MRGPRX2: variants seen among roughly 807,000 people sequenced by gnomAD.
MRGPRX2 encodes the protein MAS related GPR family member X2.
For missense variants in MRGPRX2, 389 were observed against 404.5 expected (o/e 0.96, Z 0.33); for synonymous variants, 183 against 175.6 (o/e 1.04, Z -0.33).
chr11:19,056,746 G>A (rs572639219), intron 1 of MRGPRX2, among the ~76,000 whole-genome samples: 1 of 152,300 alleles, frequency 6.6e-6, no homozygotes, highest in Non-Finnish European at 1.5e-5. Flanking sequence ...GGCAGAATAT[G>A]TGGGGCAGCA....
chr11:19,055,223 G>T lies in MRGPRX2; in HGVS notation c.*187C>A. 1.6e-6 allele frequency: 1 copy of T among 607,038 alleles called. No individual in the cohort carries two copies. The highest frequency in any genetic ancestry group is 2.8e-6 in the Non-Finnish European group (1 of 355,588). The allele number at this position is 607,038 out of a possible 1,614,324, so 37.6% of individuals were successfully genotyped here. On this transcript the variant is annotated 3_prime_UTR_variant, in exon 2 of 2. Coordinates refer to ENST00000329773, the MANE Select transcript of MRGPRX2 (RefSeq NM_054030.4). Reference sequence around the variant, plus strand: ...TCATAGGGCTGTGGTGGAAGCCTGTGAGTAAGGCAGTTCCAGAGACACTGC... The same window carrying T: ...TCATAGGGCTGTGGTGGAAGCCTGTTAGTAAGGCAGTTCCAGAGACACTGC...
rs149679653 is a variant in MRGPRX2, at chr11:19,058,395, C to T, written c.-25-1968G>A. 8.3e-3 allele frequency among the ~76,000 whole-genome samples: 1,263 copies of T among 151,486 alleles called. 12 individuals carry two copies. The highest frequency in any genetic ancestry group is 0.013 in the Non-Finnish European group (899 of 67,898). On this transcript the variant is annotated intron_variant, in intron 1 of 1. Coordinates refer to ENST00000329773, the MANE Select transcript of MRGPRX2 (RefSeq NM_054030.4). Reference sequence around the variant, plus strand: ...CTCAGGGCAGGTTGGCCTTTTTATTCGTGGCACTGAACACAGTTTGCACCT... The same window carrying T: ...CTCAGGGCAGGTTGGCCTTTTTATTTGTGGCACTGAACACAGTTTGCACCT...
chr11:19,058,037 T>A (rs7102329), intron 1 of MRGPRX2, among the ~76,000 whole-genome samples: 1 of 151,994 alleles, frequency 6.6e-6, no homozygotes, highest in Non-Finnish European at 1.5e-5. Flanking sequence ...AATGTCGAAA[T>A]TGCAGTTTTT....
chr11:19,055,795 A>G lies in MRGPRX2; in HGVS notation c.608T>C (p.Leu203Pro), dbSNP rs1323711433. 7 of 1,614,206 alleles carry G rather than the reference A, an allele frequency of 4.3e-6. No homozygotes were observed. The highest frequency in any genetic ancestry group is 5.9e-6 in the Non-Finnish European group (7 of 1,180,034). Residue 203 changes from leucine to proline, a missense_variant, in exon 2 of 2, where the codon CTG becomes CCG. Transcript: ENST00000329773. ...ACAGAGGATCCTGACCAGCAGGGCC[A>G]GACTGGACCCACAGAGAACCATGAA... Reference protein sequence around the residue: ...FLFMVLCGSSLALLVRILCGS... With the variant: ...FLFMVLCGSSPALLVRILCGS...
chr11:19,055,272 C>T lies in MRGPRX2; in HGVS notation c.*138G>A. On this transcript the variant is annotated 3_prime_UTR_variant, in exon 2 of 2. Coordinates refer to ENST00000329773, the MANE Select transcript of MRGPRX2 (RefSeq NM_054030.4). ...GCACTTAGTGTTTGTTTCATAGGCA[C>T]TGTCTCACTTAATCCTCACAAGGAC... 1 of 865,544 alleles carries T rather than the reference C, an allele frequency of 1.2e-6. No homozygotes were observed. The highest frequency in any genetic ancestry group is 2.5e-5 in the East Asian group (1 of 39,930). 53.6% of individuals were successfully genotyped at this position (865,544 alleles called of 1,614,324 possible).
chr11:19,059,041 C>T (rs1849644250), intron 1 of MRGPRX2, among the ~76,000 whole-genome samples: 1 of 152,180 alleles, frequency 6.6e-6, no homozygotes, highest in African/African-American at 2.4e-5. Context: ...TCCAGGTGAG[C>T]ACAGATGCTA....
At position 19,055,451 on chromosome 11, in the gene MRGPRX2, G is replaced by A. The variant is rs1439079016; in HGVS notation, c.952C>T (p.Arg318Cys). ...CTCGACATCTCCGGGGTGCCCTGAC[G>A]GAAGCATCCTTCACTGTGATCCACC... ...AEVDHSEGCFRQGTPEMSRSS... is the reference protein window; with the variant it reads ...AEVDHSEGCFCQGTPEMSRSS... Residue 318 changes from arginine to cysteine, a missense_variant, in exon 2 of 2, where the codon CGT (arginine) becomes TGT (cysteine). Transcript: ENST00000329773. 4.3e-6 allele frequency: 7 copies of A among 1,610,690 alleles called. No homozygotes were observed. The highest frequency in any genetic ancestry group is 2.2e-5 in the East Asian group (1 of 44,768).
Position 19,056,145 on chromosome 11 carries a change from G to T in MRGPRX2, c.258C>A (p.Cys86Ter), listed in dbSNP as rs774094716. ...AGAAGAAGTTACTGAGGTACACCAG[G>T]CAATTTATAATCTGGAAGCAGAGGA... ...FLFLCFQIIN[C>*]LVYLSNFFCS... The change falls in exon 2 of 2, where the codon TGC becomes TGA. Residue 86 changes from cysteine (C) to a stop codon, truncating the protein, a stop_gained. Coordinates refer to ENST00000329773, the MANE Select transcript of MRGPRX2 (RefSeq NM_054030.4). LOFTEE classifies it low-confidence loss of function (END_TRUNC). 4.3e-6 allele frequency: 7 copies of T among 1,614,092 alleles called. No homozygotes were observed. In the Admixed American group the frequency reaches 1.2e-4, roughly 27 times the overall value.
At position 19,055,830 on chromosome 11, in the gene MRGPRX2, C is replaced by A; in HGVS notation, c.573G>T (p.Leu191=). The part of the protein sequence containing the change: ...QTFDFITAAW[L]IFLFMVLCGS... ...CACAGAGAACCATGAATAAAAAAAT[C>A]AGCCACGCTGCAGTGATGAAATCAA... Residue 191 remains leucine, a synonymous_variant, in exon 2 of 2, where the codon CTG becomes CTT. Coordinates refer to ENST00000329773, the MANE Select transcript of MRGPRX2 (RefSeq NM_054030.4). The A allele has an allele frequency of 6.2e-7, 1 of 1,614,112 alleles. No individual in the cohort carries two copies. The highest frequency in any genetic ancestry group is 1.1e-5 in the South Asian group (1 of 91,076).
At chr11:19,059,208 G>A (rs1849645651) in intron 1 of MRGPRX2, among the ~76,000 whole-genome samples, 1 of 152,172 alleles carries the variant, frequency 6.6e-6, no homozygotes, top group African/African-American at 2.4e-5. Context: ...GTCAAGGGGA[G>A]GTGAGAGAAA....
chr11:19,060,507 C>A (rs982405647), intron 1 of MRGPRX2, 112 bp downstream of exon 1: 28 of 152,322 alleles, frequency 1.8e-4, no homozygotes, highest in African/African-American at 6.5e-4. Flanking sequence ...GCATCCAAAG[C>A]TTCCTCAAAG....
chr11:19,058,750 G>T (rs1565000502), intron 1 of MRGPRX2, among the ~76,000 whole-genome samples: 1 of 152,230 alleles, frequency 6.6e-6, no homozygotes, highest in Middle Eastern at 3.4e-3. Flanking sequence ...TTAAGTGTAT[G>T]TCTGTTTTTT....
rs564668393 is a variant in MRGPRX2, at chr11:19,055,553, A to G, written c.850T>C (p.Ser284Pro). ...TGCAGCCGCCACTGCTTCCTAAAAG[A>G]GCCCACGAAGAAGTAAATGATGGGG... is the stretch of plus-strand genomic sequence containing the variant. ...ANPIIYFFVG[S>P]FRKQWRLQQP... The change falls in exon 2 of 2, where the codon TCT (serine) becomes CCT (proline). Residue 284 changes from serine (S) to proline (P), a missense_variant. Physicochemically the swap from Ser to Pro is moderately conservative, Grantham distance 74. Transcript: ENST00000329773. 1.7e-3 allele frequency: 2,709 copies of G among 1,614,224 alleles called. 62 individuals are homozygous for G. In the South Asian group the frequency reaches 0.028, roughly 17 times the overall value.
intron 1 of MRGPRX2, among the ~76,000 whole-genome samples, chr11:19,058,407 C>A (rs1252776605): frequency 6.6e-6 from 1 of 151,442 alleles, no homozygotes; most frequent in African/African-American, 2.4e-5. Flanking sequence ...TGGCACTGAA[C>A]ACAGTTTGCA....
At position 19,056,130 on chromosome 11, in the gene MRGPRX2, A is replaced by G. The variant is rs1467152187; in HGVS notation, c.273T>C (p.Ser91=). The change falls in exon 2 of 2, where the codon AGT becomes AGC. Residue 91 remains serine, a synonymous_variant. Transcript: ENST00000329773. ...FQIINCLVYL[S]NFFCSISINF... is the part of the protein sequence containing the mutation. ...TGATGGAGATGGAACAGAAGAAGTTACTGAGGTACACCAGGCAATTTATAA... is the reference window on the plus strand; with the variant it reads ...TGATGGAGATGGAACAGAAGAAGTTGCTGAGGTACACCAGGCAATTTATAA... 6.2e-6 allele frequency: 10 copies of G among 1,614,122 alleles called. No homozygotes were observed. The highest frequency in any genetic ancestry group is 8.5e-6 in the Non-Finnish European group (10 of 1,180,042).
At position 19,055,591 on chromosome 11, in the gene MRGPRX2, T is replaced by C. The variant is rs892003414; in HGVS notation, c.812A>G (p.Asn271Ser). Residue 271 changes from asparagine to serine, a missense_variant, in exon 2 of 2, where the codon AAC (asparagine) becomes AGC (serine). Transcript: ENST00000329773. ...HPVSVVLSSL[N>S]SSANPIIYFF... ...GTAAATGATGGGGTTGGCACTGCTG[T>C]TAAGAGATGACAGGACAACTGAAAC... The C allele has an allele frequency of 1.9e-6, 3 of 1,614,036 alleles. No individual in the cohort carries two copies. The highest frequency in any genetic ancestry group is 1.3e-5 in the African/African-American group (1 of 74,906).
At position 19,055,353 on chromosome 11, in the gene MRGPRX2, G is replaced by A. The variant is rs1849602564; in HGVS notation, c.*57C>T. 1.3e-6 allele frequency: 2 copies of A among 1,524,252 alleles called. No homozygotes were observed. The highest frequency in any genetic ancestry group is 1.3e-5 in the South Asian group (1 of 78,218). 94.4% of individuals were successfully genotyped at this position (1,524,252 alleles called of 1,614,324 possible). ...AAAGTTCAGCAAATCAGACAGACAG[G>A]GGCAAAGTTGCCTCTCAAAGCCACA... On this transcript the variant is annotated 3_prime_UTR_variant, in exon 2 of 2. Transcript: ENST00000329773.
intron 1 of MRGPRX2, among the ~76,000 whole-genome samples, 167 bp from the exon 2 acceptor site, chr11:19,056,594 C>T (rs536856693): frequency 3.9e-5 from 6 of 152,168 alleles, no homozygotes; most frequent in African/African-American, 1.4e-4. Context: ...TGGATTCAAA[C>T]TCATTTCTTG....
At position 19,056,230 on chromosome 11, in the gene MRGPRX2, C is replaced by A. The variant is rs765057044; in HGVS notation, c.173G>T (p.Arg58Leu). ...GACAGAGAAGGCGTTCCTGCGCATG[C>A]GGAAGCCCAGGAGCCAGAGCACAAA... Reference protein sequence around the residue: ...NGFVLWLLGFRMRRNAFSVYV... With the variant: ...NGFVLWLLGFLMRRNAFSVYV... Residue 58 changes from arginine (R) to leucine (L), a missense_variant, in exon 2 of 2, where the codon CGC becomes CTC. Physicochemically the swap from Arg to Leu is moderately radical, Grantham distance 102. Transcript: ENST00000329773. The A allele has an allele frequency of 4.2e-5, 67 of 1,613,998 alleles. No homozygotes were observed. The highest frequency in any genetic ancestry group is 5.1e-5 in the Non-Finnish European group (60 of 1,179,962).
Sources: gnomAD v4.1 joint callset for allele counts (sites outside exome capture counted in the v4.1 genomes callset) on GRCh38, gnomAD v4.1.1 for gene constraint, MANE v1.5 for transcripts, NCBI Gene and HGNC (gene_info 2026-07-23, HGNC 2026-07-21) for gene names.